The following UGGT2 variants were observed in gnomAD, a reference collection of about 807,000 sequenced individuals.
UGGT2 encodes UDP-glucose glycoprotein glucosyltransferase 2.
UGGT2 carries 180 observed loss-of-function variants against 192.1 expected under a neutral mutation model. The observed-to-expected ratio is 0.94, with a 90% CI of 0.83 to 1.06. The LOEUF is 1.06. Among genes scored for constraint, UGGT2 ranks in the 50% least tolerant of loss-of-function variants. The pLI is 0.00. For synonymous variants in UGGT2, 580 were observed against 591.0 expected (o/e 0.98, Z 0.27); for missense variants, 1,849 against 1,795.7 (o/e 1.03, Z -0.54).
intron 1 of UGGT2, among the ~76,000 whole-genome samples, chr13:96,043,831 T>C (rs1027697943): frequency 2.6e-5 from 4 of 152,132 alleles, no homozygotes; most frequent in Admixed American, 6.5e-5. Context: ...ATCTGAAATA[T>C]ATATGCAATA....
chr13:95,860,470 C>T (rs577437944), intron 32 of UGGT2, among the ~76,000 whole-genome samples: 1 of 149,110 alleles, frequency 6.7e-6, no homozygotes, highest in Admixed American at 6.7e-5. Context: ...TTTATATATA[C>T]TTACCTCATA....
intron 1 of UGGT2, among the ~76,000 whole-genome samples, chr13:96,047,285 A>G (rs2053344457): frequency 1.3e-5 from 2 of 152,172 alleles, no homozygotes; most frequent in African/African-American, 2.4e-5. Flanking sequence ...CAGAGGAACA[A>G]TAAGACAGCA....
intron 5 of UGGT2, among the ~76,000 whole-genome samples, chr13:96,009,015 T>C (rs913296746): frequency 6.6e-6 from 1 of 152,124 alleles, no homozygotes; most frequent in Non-Finnish European, 1.5e-5. Context: ...CAGAACAGAA[T>C]AGACAGCCCA....
intron 4 of UGGT2, among the ~76,000 whole-genome samples, chr13:96,020,225 T>C (rs1367712060): frequency 1.3e-5 from 2 of 152,174 alleles, no homozygotes; most frequent in Admixed American, 1.3e-4. Flanking sequence ...TCACAAGGCC[T>C]CCATGGGTCA....
chr13:96,011,971 A>T (rs555170417), intron 5 of UGGT2, among the ~76,000 whole-genome samples: 2 of 152,262 alleles, frequency 1.3e-5, no homozygotes, highest in South Asian at 4.1e-4. Flanking sequence ...TCTAAAATTA[A>T]CATGGCTACA....
chr13:95,970,166 A>G lies in UGGT2; in HGVS notation c.1281T>C (p.Asn427=), dbSNP rs998864517. Residue 427 remains asparagine (N), a synonymous_variant, in exon 12 of 39, where the codon AAT becomes AAC. Transcript: ENST00000376747. ...CATAAGTATATTCCCAAATGTGTGA[A>G]TTTAATTTTAAAAATTTGCTCATAT... ...GEDMSKFLKL[N]SHIWEYTYVL... 2 of 1,611,412 alleles carry G rather than the reference A, an allele frequency of 1.2e-6. No homozygotes were observed. Among genetic ancestry groups the G allele is most frequent in the African/African-American group, 2.7e-5 (2 of 74,858 alleles).
intron 38 of UGGT2, among the ~76,000 whole-genome samples, chr13:95,802,894 T>C (rs111996732): frequency 0.017 from 2,569 of 152,300 alleles, 73 homozygotes; most frequent in African/African-American, 0.059. Flanking sequence ...AGTGCAGTGG[T>C]GTGATCTCAG....
intron 10 of UGGT2, 120 bp downstream of exon 10, chr13:95,983,684 G>A: frequency 1.3e-6 from 1 of 780,664 alleles, no homozygotes; most frequent in South Asian, 1.7e-5. Flanking sequence ...AACCCAGACT[G>A]TTTTAATAAT....
intron 27 of UGGT2, among the ~76,000 whole-genome samples, chr13:95,882,140 C>T (rs1369762250): frequency 6.6e-6 from 1 of 151,974 alleles, no homozygotes; most frequent in African/African-American, 2.4e-5. Flanking sequence ...AAACTCCTGA[C>T]CTCATGATCC....
intron 2 of UGGT2, among the ~76,000 whole-genome samples, chr13:96,024,030 C>G (rs968579493): frequency 6.6e-6 from 1 of 152,150 alleles, no homozygotes; most frequent in Non-Finnish European, 1.5e-5. Context: ...TTCAGACCAA[C>G]TTACTCCAAA....
chr13:96,000,490 A>G (rs568488188), intron 5 of UGGT2, among the ~76,000 whole-genome samples: 2 of 152,360 alleles, frequency 1.3e-5, no homozygotes, highest in Admixed American at 1.3e-4. Flanking sequence ...TATGAAAGAT[A>G]GCATGTAGAA....
chr13:96,031,878 A>G lies in UGGT2; in HGVS notation c.241+11T>C, dbSNP rs767558065. 8.2e-6 allele frequency: 13 copies of G among 1,589,366 alleles called. No individual in the cohort carries two copies. Among genetic ancestry groups the G allele is most frequent in the South Asian group, 1.2e-5 (1 of 86,604 alleles). On this transcript the variant is annotated intron_variant, in intron 2 of 38. Transcript: ENST00000376747. ...ACAAATCTTACAAGTTAAAATTTAC[A>G]TATCACCTACCTGTTTGCTTATAAA...
intron 38 of UGGT2, among the ~76,000 whole-genome samples, chr13:95,821,292 T>G (rs1885485255): frequency 6.6e-6 from 1 of 152,092 alleles, no homozygotes. Context: ...CTTGCAGGAG[T>G]AAGGTGGTAT....
chr13:95,879,848 C>T (rs951345972), intron 27 of UGGT2, among the ~76,000 whole-genome samples: 1 of 151,880 alleles, frequency 6.6e-6, no homozygotes, highest in African/African-American at 2.4e-5. Flanking sequence ...TTGTTGATAC[C>T]AGACATAAAT....
At chr13:95,942,302 T>G (rs996646204) in intron 15 of UGGT2, among the ~76,000 whole-genome samples, 7 of 149,392 alleles carry the variant, frequency 4.7e-5, no homozygotes, top group African/African-American at 1.2e-4. Flanking sequence ...AAATTTAACT[T>G]CAAATAGTGA....
intron 15 of UGGT2, among the ~76,000 whole-genome samples, chr13:95,945,556 T>TA (rs2049836649): frequency 6.6e-6 from 1 of 152,102 alleles, no homozygotes; most frequent in Admixed American, 6.5e-5. Context: ...TAATGTCTGA[T>TA]AAAAAACACT....
intron 29 of UGGT2, among the ~76,000 whole-genome samples, chr13:95,875,421 C>T (rs1020392040): frequency 1.3e-5 from 2 of 152,074 alleles, no homozygotes; most frequent in Non-Finnish European, 2.9e-5. Context: ...TACATAAACC[C>T]TTTTAGTGTG....
rs2049928793 is a variant in UGGT2, at chr13:95,947,844, G to A, written c.1541+152C>T. On this transcript the variant is annotated intron_variant, in intron 14 of 38. Coordinates refer to ENST00000376747, the MANE Select transcript of UGGT2 (RefSeq NM_020121.4). ...TTTGATAAACAGAGTCTAACATAAA[G>A]GTATATAATACTTCACAACGTGCAG... The A allele has an allele frequency of 5.5e-6, 3 of 543,698 alleles. No homozygotes were observed. In the Admixed American group the frequency reaches 9.8e-5, roughly 18 times the overall value. The allele number at this position is 543,698 out of a possible 1,614,324, so 33.7% of individuals were successfully genotyped here.
intron 34 of UGGT2, 54 bp downstream of exon 34, chr13:95,856,104 T>G (rs557026844): frequency 1.5e-6 from 2 of 1,375,922 alleles, no homozygotes; most frequent in Admixed American, 4.2e-5. Context: ...TATATTAAGA[T>G]AGAAGTGTAA....
Sources: allele counts gnomAD v4.1 joint callset (sites outside exome capture counted in the v4.1 genomes callset), GRCh38; gene constraint gnomAD v4.1.1; transcripts MANE v1.5; gene names NCBI Gene and HGNC (gene_info 2026-07-23, HGNC 2026-07-21).